Variants in ANO10 observed in about 807,000 individuals in gnomAD.
ANO10 encodes anoctamin 10.
A neutral mutation model predicts 74.7 loss-of-function variants in ANO10; 77 were observed. That is an observed-to-expected ratio of 1.03 (90% confidence interval 0.86 to 1.25). The LOEUF (loss-of-function observed/expected upper bound fraction) is 1.25. Ranked by LOEUF, ANO10 falls within the 50% of genes most tolerant of loss-of-function variation. The pLI is 0.00. For missense variants in ANO10, 721 were observed against 778.1 expected, an observed-to-expected ratio of 0.93 and a Z score of 0.87; for synonymous variants, 279 against 284.9, an observed-to-expected ratio of 0.98 and a Z score of 0.21.
At chr3:43,530,375 A>C (rs1249974742) in intron 11 of ANO10, among the ~76,000 whole-genome samples, 1 of 150,856 alleles carries the variant, frequency 6.6e-6, no homozygotes, top group Non-Finnish European at 1.5e-5. Context: ...CGTTATGTTT[A>C]ACAGGATAGA....
chr3:43,386,902 T>G (rs1181663037), intron 12 of ANO10, among the ~76,000 whole-genome samples: 4 of 152,128 alleles, frequency 2.6e-5, no homozygotes, highest in Non-Finnish European at 5.9e-5. Context: ...GGATCTCCAC[T>G]GGGAGGACAG....
intron 4 of ANO10, among the ~76,000 whole-genome samples, chr3:43,589,609 G>A (rs908424470): frequency 1.3e-5 from 2 of 152,086 alleles, no homozygotes; most frequent in Non-Finnish European, 2.9e-5. Flanking sequence ...GCAAGACTCT[G>A]TCTCAAATAA....
At chr3:43,508,963 G>GA (rs71615392) in intron 11 of ANO10, among the ~76,000 whole-genome samples, 132,714 of 145,452 alleles carry the variant, frequency 0.91, 60,894 homozygotes, top group Non-Finnish European at 0.97. Flanking sequence ...AAAAAGAAAA[G>GA]AAAAAAAGAA....
chr3:43,451,963 G>A (rs986684533), intron 11 of ANO10, among the ~76,000 whole-genome samples: 1 of 152,056 alleles, frequency 6.6e-6, no homozygotes, highest in Admixed American at 6.6e-5. Flanking sequence ...TTTGGCTACC[G>A]ATAAACTCCC....
Position 43,487,764 on chromosome 3 carries a change from T to C in ANO10, c.1798-55037A>G, listed in dbSNP as rs186394511. On this transcript the variant is annotated intron_variant, in intron 11 of 12. Transcript: ENST00000292246. The stretch of plus-strand genomic sequence containing the variant: ...TCCTTTCAAAAAACCAGCTCCTGGA[T>C]TCATTAATTTTTCGAAGGGTTTTTT... Among the ~76,000 whole-genome samples the C allele has an allele frequency of 4.7e-3, 712 of 152,222 alleles. 4 individuals are homozygous for C. The highest frequency in any genetic ancestry group is 0.016 in the African/African-American group (684 of 41,512).
At chr3:43,520,212 G>A (rs576654509) in intron 11 of ANO10, among the ~76,000 whole-genome samples, 2 of 152,092 alleles carry the variant, frequency 1.3e-5, no homozygotes, top group South Asian at 4.1e-4. Flanking sequence ...TTACTTTTAG[G>A]TCATTAATCC....
At chr3:43,670,357 A>T (rs903941759) in intron 1 of ANO10, among the ~76,000 whole-genome samples, 10 of 99,548 alleles carry the variant, frequency 1.0e-4, no homozygotes, top group Admixed American at 4.1e-4. Flanking sequence ...AATAAATAAA[A>T]TAATAAATCT....
intron 12 of ANO10, among the ~76,000 whole-genome samples, chr3:43,408,663 G>T (rs891330409): frequency 6.6e-6 from 1 of 152,172 alleles, no homozygotes; most frequent in Non-Finnish European, 1.5e-5. Context: ...GCTCCGGATA[G>T]GATCACTCTC....
intron 4 of ANO10, among the ~76,000 whole-genome samples, chr3:43,592,691 C>T (rs1026981287): frequency 2.6e-5 from 4 of 152,234 alleles, no homozygotes; most frequent in African/African-American, 9.6e-5. Flanking sequence ...CAGAGCACCT[C>T]TTCTCCTCCA....
intron 4 of ANO10, among the ~76,000 whole-genome samples, chr3:43,593,280 G>T (rs2081897681): frequency 1.3e-5 from 2 of 152,146 alleles, no homozygotes; most frequent in African/African-American, 4.8e-5. Context: ...TACTCCTCAA[G>T]AAGAGCAACT....
chr3:43,599,905 C>CA lies in ANO10; in HGVS notation c.337+478dup, dbSNP rs57600272. On this transcript the variant is annotated intron_variant, in intron 3 of 12. Transcript: ENST00000292246. ...TGGGCGACAGAGCGAGACTCTGTCT[C>CA]AAAAAAAAAAAAAAGAAAATATAAT... 4.8e-3 allele frequency among the ~76,000 whole-genome samples: 495 copies of CA among 102,158 alleles called. 2 individuals carry two copies. The highest frequency in any genetic ancestry group is 0.02 in the East Asian group (74 of 3,650). The allele number at this position is 102,158 out of a possible 152,430, so 67.0% of individuals were successfully genotyped here. A position where few individuals can be genotyped will look rare whatever the true frequency, so the allele number is the denominator to read the frequency against.
chr3:43,425,937 T>C (rs1258696477), intron 12 of ANO10, among the ~76,000 whole-genome samples: 1 of 152,168 alleles, frequency 6.6e-6, no homozygotes, highest in African/African-American at 2.4e-5. Flanking sequence ...ATTTACCATG[T>C]ATCCCCTCTG....
chr3:43,511,015 G>A (rs1384934585), intron 11 of ANO10, among the ~76,000 whole-genome samples: 1 of 152,148 alleles, frequency 6.6e-6, no homozygotes. Context: ...AATTAAAATT[G>A]TTAAAAAGCA....
At chr3:43,512,837 C>T (rs536761739) in intron 11 of ANO10, among the ~76,000 whole-genome samples, 1 of 152,212 alleles carries the variant, frequency 6.6e-6, no homozygotes, top group East Asian at 1.9e-4. Flanking sequence ...AGACACTGGA[C>T]ATCAGGCAGT....
chr3:43,577,259 T>C lies in ANO10; in HGVS notation c.595A>G (p.Ser199Gly). ...RFALKYQPIDSIRGYFGETIA... is the reference protein window; with the variant it reads ...RFALKYQPIDGIRGYFGETIA... ...GTTTCCCCAAAGTAGCCACGAATAC[T>C]GTCTATAGTGGAAACAAAGAAAGAA... The change falls in exon 6 of 13, where the codon AGT (serine) becomes GGT (glycine). Residue 199 changes from serine to glycine, a missense_variant and splice_region_variant. Ser to Gly is a moderately conservative substitution (Grantham distance 56, BLOSUM62 0). Transcript: ENST00000292246. The C allele has an allele frequency of 6.2e-7, 1 of 1,613,676 alleles. No homozygotes were observed. The highest frequency in any genetic ancestry group is 8.5e-7 in the Non-Finnish European group (1 of 1,179,738).
At chr3:43,376,680 T>C (rs2091818217) in intron 12 of ANO10, among the ~76,000 whole-genome samples, 1 of 152,188 alleles carries the variant, frequency 6.6e-6, no homozygotes, top group Non-Finnish European at 1.5e-5. Context: ...GAAATTTTCA[T>C]ATTTTTGCAA....
intron 12 of ANO10, among the ~76,000 whole-genome samples, chr3:43,375,847 C>T (rs562670352): frequency 2.6e-4 from 39 of 152,286 alleles, no homozygotes; most frequent in Middle Eastern, 3.4e-3. Context: ...GAATTTAATG[C>T]CATATAATAT....
Position 43,577,068 on chromosome 3 carries a change from C to T in ANO10, c.786G>A (p.Lys262=), listed in dbSNP as rs1303119497. The T allele has an allele frequency of 1.2e-6, 2 of 1,614,218 alleles. No homozygotes were observed. Among genetic ancestry groups the T allele is most frequent in the Admixed American group, 1.7e-5 (1 of 60,030 alleles). The change falls in exon 6 of 13, where the codon AAG becomes AAA. Residue 262 remains lysine (K), a synonymous_variant. Transcript: ENST00000292246. ...TGTAGGTCATGTTGGCACAGCCACGCTTCCACAGTTCCAGAATCACCGTGG... is the reference window on the plus strand; with the variant it reads ...TGTAGGTCATGTTGGCACAGCCACGTTTCCACAGTTCCAGAATCACCGTGG... ...IWSTVILELW[K]RGCANMTYRW... is the part of the protein sequence containing the mutation.
At chr3:43,686,938 C>G (rs1489038558) in intron 1 of ANO10, among the ~76,000 whole-genome samples, 1 of 151,636 alleles carries the variant, frequency 6.6e-6, no homozygotes, top group East Asian at 1.9e-4. Context: ...TCAGAATCTA[C>G]AATTCAACAT....
Sources: gnomAD v4.1 joint callset for allele counts (sites outside exome capture counted in the v4.1 genomes callset) on GRCh38, gnomAD v4.1.1 for gene constraint, MANE v1.5 for transcripts, NCBI Gene and HGNC (gene_info 2026-07-23, HGNC 2026-07-21) for gene names.